TACC2: variants seen among roughly 807,000 people sequenced by gnomAD.
The protein encoded by TACC2 is transforming acidic coiled-coil containing protein 2.
TACC2 carries 137 observed loss-of-function variants against 227.3 expected under a neutral mutation model. The ratio of observed to expected loss-of-function variants is 0.60; its 90% CI spans 0.52 to 0.69. The LOEUF (loss-of-function observed/expected upper bound fraction) is 0.69, where lower values mean the gene tolerates loss of function less well. Among genes scored for constraint, TACC2 ranks in the 30% least tolerant of loss-of-function variants. TACC2 has a pLI of 0.00. For missense variants in TACC2, 3,470 were observed against 3,694.4 expected (o/e 0.94, Z 1.57); for synonymous variants, 1,523 against 1,487.5 (o/e 1.02, Z -0.55).
intron 2 of TACC2, among the ~76,000 whole-genome samples, chr10:122,030,833 G>T (rs1378315692): frequency 6.6e-6 from 1 of 152,010 alleles, no homozygotes; most frequent in East Asian, 1.9e-4. Flanking sequence ...GGGACTCAGG[G>T]CTCTCCCAGG....
rs527873714 is a variant in TACC2, at chr10:121,998,224, A to G, written c.-46+8736A>G. Among the ~76,000 whole-genome samples, 17 of 150,660 alleles carry G rather than the reference A, an allele frequency of 1.1e-4. 1 individual carries two copies. The highest frequency in any genetic ancestry group is 4.1e-4 in the African/African-American group (17 of 40,980). On this transcript the variant is annotated intron_variant, in intron 1 of 22. Transcript: ENST00000369005. ...CTACTCGGGAGGCTGAGGGAGGATA[A>G]TTGCTTGAACCCAGGAGGTGGAGGT...
intron 1 of TACC2, among the ~76,000 whole-genome samples, chr10:122,012,450 C>T (rs373877977): frequency 1.8e-4 from 21 of 119,600 alleles, no homozygotes; most frequent in African/African-American, 4.5e-4. Context: ...GATGGGGTTT[C>T]GCCATGTTGG....
chr10:122,143,410 G>A (rs945693130), intron 6 of TACC2, among the ~76,000 whole-genome samples, 162 bp from the exon 7 acceptor site: 22 of 148,962 alleles, frequency 1.5e-4, no homozygotes, highest in African/African-American at 5.2e-4. Flanking sequence ...CTGCTGTGCA[G>A]AAGTGGAGGC....
At chr10:122,006,046 T>C (rs566031055) in intron 1 of TACC2, among the ~76,000 whole-genome samples, 1 of 152,338 alleles carries the variant, frequency 6.6e-6, no homozygotes, top group Admixed American at 6.5e-5. Flanking sequence ...GAAGAACAGC[T>C]TGGCTGGATA....
chr10:122,249,860 G>A (rs1412834756), intron 22 of TACC2, among the ~76,000 whole-genome samples, 196 bp downstream of exon 22: 1 of 152,218 alleles, frequency 6.6e-6, no homozygotes, highest in African/African-American at 2.4e-5. Flanking sequence ...CCTTTCCACC[G>A]TTCCTGGAAC....
At chr10:122,127,400 G>A (rs1342739717) in intron 5 of TACC2, among the ~76,000 whole-genome samples, 1 of 152,156 alleles carries the variant, frequency 6.6e-6, no homozygotes, top group African/African-American at 2.4e-5. Context: ...GAACCTGAAC[G>A]TCTTCCTTTT....
At chr10:122,017,034 C>A (rs1477100358) in intron 1 of TACC2, among the ~76,000 whole-genome samples, 4 of 152,056 alleles carry the variant, frequency 2.6e-5, no homozygotes, top group Non-Finnish European at 5.9e-5. Context: ...ACCAACCCGG[C>A]CAAAACCTTG....
chr10:122,232,395 C>T lies in TACC2; in HGVS notation c.8127+1955C>T, dbSNP rs78849352. ...TCCCCCTGCCACCTCCTTTGGAGAG[C>T]GGCCAGAGATGACTGTTGGCAAATA... On this transcript the variant is annotated intron_variant, in intron 16 of 22. Coordinates refer to ENST00000369005, the MANE Select transcript of TACC2 (RefSeq NM_206862.4). Among the ~76,000 whole-genome samples, 1,193 of 152,286 alleles carry T rather than the reference C, an allele frequency of 7.8e-3. 21 individuals carry two copies. Among genetic ancestry groups the T allele is most frequent in the African/African-American group, 0.027 (1,107 of 41,556 alleles).
chr10:122,035,463 G>A (rs114696833), intron 2 of TACC2, among the ~76,000 whole-genome samples: 141 of 152,314 alleles, frequency 9.3e-4, no homozygotes, highest in African/African-American at 3.3e-3. Context: ...GCTCTAGCAC[G>A]TGAGAATCAG....
At chr10:122,041,269 G>A (rs557477463) in intron 2 of TACC2, among the ~76,000 whole-genome samples, 1 of 152,216 alleles carries the variant, frequency 6.6e-6, no homozygotes, top group African/African-American at 2.4e-5. Flanking sequence ...GAGGAACTCA[G>A]CATTACAGCA....
intron 18 of TACC2, among the ~76,000 whole-genome samples, chr10:122,239,005 TTG>T (rs1176357444): frequency 1.3e-5 from 2 of 151,792 alleles, no homozygotes; most frequent in African/African-American, 2.4e-5. Flanking sequence ...CTAGTTTTTT[TTG>T]TGTGTGTGTT....
chr10:122,212,733 G>A (rs2095322059), intron 9 of TACC2, among the ~76,000 whole-genome samples: 1 of 152,208 alleles, frequency 6.6e-6, no homozygotes, highest in South Asian at 2.1e-4. Flanking sequence ...GGCCTCCTGA[G>A]AGGAGGTCTC....
chr10:122,129,820 G>A (rs369110781), intron 5 of TACC2, among the ~76,000 whole-genome samples: 22 of 152,276 alleles, frequency 1.4e-4, no homozygotes, highest in African/African-American at 4.1e-4. Flanking sequence ...TCTTGTTCTG[G>A]GGGAACTGGA....
intron 7 of TACC2, among the ~76,000 whole-genome samples, chr10:122,191,358 A>C (rs1443750326): frequency 6.6e-6 from 1 of 152,202 alleles, no homozygotes; most frequent in Non-Finnish European, 1.5e-5. Flanking sequence ...AGTATATTCA[A>C]CAAATGCTGG....
rs145341685 is a variant in TACC2, at chr10:122,132,663, C to G, written c.5628C>G (p.Ser1876Arg). 124 of 1,614,192 alleles carry G rather than the reference C, an allele frequency of 7.7e-5. 1 individual carries two copies. The East Asian group carries it at 1.2e-3, about 15-fold the overall frequency. The change falls in exon 6 of 23, where the codon AGC becomes AGG. Residue 1876 changes from serine to arginine, a missense_variant. By Grantham distance (110) the Ser-to-Arg change is moderately radical. Transcript: ENST00000369005. ...CCGCTGCCCCCGCAGACCTGGAAAG[C>G]CCAACCTTAGCTGCCTCTTCCTACC... ...IQPAAPADLE[S>R]PTLAASSYHG...
intron 6 of TACC2, among the ~76,000 whole-genome samples, chr10:122,134,777 G>A (rs922185425): frequency 6.6e-6 from 1 of 152,234 alleles, no homozygotes; most frequent in South Asian, 2.1e-4. Context: ...ACAGTCGGGG[G>A]ATGCGGGGGC....
Position 122,209,254 on chromosome 10 carries a change from G to A in TACC2, c.5972-1143G>A, listed in dbSNP as rs2095226673. 6.6e-6 allele frequency among the ~76,000 whole-genome samples: 1 copy of A among 152,206 alleles called. No homozygotes were observed. Among genetic ancestry groups the A allele is most frequent in the African/African-American group, 2.4e-5 (1 of 41,464 alleles). ...TGGAGCGGCAGGTGGCAGACAGCAA[G>A]TGCTACTACAGGTGCCGGGGGCCTC... On this transcript the variant is annotated intron_variant, in intron 8 of 22. Coordinates refer to ENST00000369005, the MANE Select transcript of TACC2 (RefSeq NM_206862.4). The surrounding 1 kb of genome is among the most constrained non-coding windows in gnomAD (Gnocchi z 4.5).
At chr10:122,134,303 C>G (rs1378954906) in intron 6 of TACC2, among the ~76,000 whole-genome samples, 1 of 152,020 alleles carries the variant, frequency 6.6e-6, no homozygotes, top group African/African-American at 2.4e-5. Flanking sequence ...TCCCGAGAAG[C>G]TGGAATTACA....
chr10:122,069,997 G>T (rs1356222031), intron 3 of TACC2, among the ~76,000 whole-genome samples: 1 of 152,214 alleles, frequency 6.6e-6, no homozygotes, highest in Non-Finnish European at 1.5e-5. Context: ...CATTGAGCCA[G>T]CTTGGCGCCC....
Sources: gnomAD v4.1 joint callset for allele counts (sites outside exome capture counted in the v4.1 genomes callset) on GRCh38, gnomAD v4.1.1 for gene constraint, Gnocchi (gnomAD v3.1) non-coding constraint, MANE v1.5 for transcripts, NCBI Gene and HGNC (gene_info 2026-07-23, HGNC 2026-07-21) for gene names.